The following SH3GL2 variants were observed in gnomAD, a reference collection of about 807,000 sequenced individuals.
SH3GL2 encodes the protein SH3 domain containing GRB2 like 2, endophilin A1.
Under a neutral mutation model 46.0 loss-of-function variants are expected in SH3GL2, and 24 were observed. The observed-to-expected ratio is 0.52, with a 90% CI of 0.38 to 0.73. The LOEUF is 0.73. SH3GL2 is among the 30% of genes least tolerant of loss of function. The pLI, the probability that SH3GL2 is intolerant of heterozygous loss-of-function variation, is 0.00. For missense variants in SH3GL2, 413 were observed against 424.2 expected, an observed-to-expected ratio of 0.97 and a Z score of 0.23; for synonymous variants, 196 against 147.1, an observed-to-expected ratio of 1.33 and a Z score of -2.40.
At chr9:17,687,455 C>CTGAT (rs3837229) in intron 1 of SH3GL2, among the ~76,000 whole-genome samples, 74,001 of 151,476 alleles carry the variant, frequency 0.49, 18,592 homozygotes, top group South Asian at 0.61. Context: ...GTTTTTGACT[C>CTGAT]TGTAACAGGG....
chr9:17,752,164 A>G (rs1234350532), intron 2 of SH3GL2, among the ~76,000 whole-genome samples: 1 of 152,166 alleles, frequency 6.6e-6, no homozygotes, highest in Non-Finnish European at 1.5e-5. Context: ...GGACAGATGG[A>G]TTAACTCTTC....
chr9:17,785,707 A>T (rs1823936376), intron 3 of SH3GL2, among the ~76,000 whole-genome samples: 1 of 152,054 alleles, frequency 6.6e-6, no homozygotes, highest in Non-Finnish European at 1.5e-5. Context: ...TTTTATAAAA[A>T]CAAAAACAAA....
chr9:17,790,473 T>C (rs1212611956), intron 6 of SH3GL2: 2 of 960,722 alleles, frequency 2.1e-6, no homozygotes, highest in Non-Finnish European at 2.5e-6. Flanking sequence ...CAGTGTAGGT[T>C]TTTGTTTATG....
intron 1 of SH3GL2, among the ~76,000 whole-genome samples, chr9:17,722,911 CATT>C (rs1166888484): frequency 2.0e-5 from 3 of 152,260 alleles, no homozygotes; most frequent in African/African-American, 7.2e-5. Flanking sequence ...TGTGTCAGCT[CATT>C]ATCTCAGCTT....
At chr9:17,746,983 A>G in intron 1 of SH3GL2, 83 bp from the exon 2 acceptor site, 1 of 891,134 alleles carries the variant, frequency 1.1e-6, no homozygotes, top group Non-Finnish European at 1.8e-6. Flanking sequence ...ATTAGATGAC[A>G]TTTGTGAAAG....
intron 1 of SH3GL2, among the ~76,000 whole-genome samples, chr9:17,664,220 T>C (rs1353724218): frequency 6.6e-6 from 1 of 152,336 alleles, no homozygotes; most frequent in Non-Finnish European, 1.5e-5. Flanking sequence ...ATTGTTTTTC[T>C]AATTTCATTT....
At chr9:17,588,865 G>A (rs1818427901) in intron 1 of SH3GL2, among the ~76,000 whole-genome samples, 1 of 152,190 alleles carries the variant, frequency 6.6e-6, no homozygotes, top group African/African-American at 2.4e-5. Flanking sequence ...AGTTCCTTCT[G>A]TTTATGTTTG....
Position 17,653,290 on chromosome 9 carries a change from T to C in SH3GL2, c.45+74003T>C, listed in dbSNP as rs868650066. Reference sequence around the variant, plus strand: ...ACTCTTTAAATCAGATGTCTTATTTTTTTCCCTCAGTTCTGGGAAATATTT... The same window carrying C: ...ACTCTTTAAATCAGATGTCTTATTTCTTTCCCTCAGTTCTGGGAAATATTT... On this transcript the variant is annotated intron_variant, in intron 1 of 8. Transcript: ENST00000380607. 1.1e-4 allele frequency among the ~76,000 whole-genome samples: 16 copies of C among 152,296 alleles called. No individual in the cohort carries two copies. In the Middle Eastern group the frequency reaches 0.01, roughly 97 times the overall value.
intron 1 of SH3GL2, among the ~76,000 whole-genome samples, chr9:17,646,235 G>A (rs1236175138): frequency 6.6e-6 from 1 of 151,834 alleles, no homozygotes; most frequent in Non-Finnish European, 1.5e-5. Flanking sequence ...GGTCATTTAT[G>A]TTCTTCTCTA....
chr9:17,659,747 C>T (rs1820168870), intron 1 of SH3GL2, among the ~76,000 whole-genome samples: 1 of 152,040 alleles, frequency 6.6e-6, no homozygotes, highest in South Asian at 2.1e-4. Flanking sequence ...ACTTTAGAGG[C>T]AAAAGAATCT....
chr9:17,621,282 T>C (rs947120084), intron 1 of SH3GL2, among the ~76,000 whole-genome samples: 4 of 152,320 alleles, frequency 2.6e-5, no homozygotes, highest in Admixed American at 2.6e-4. Flanking sequence ...TCTTTGGAGG[T>C]ATAGCTGAAC....
At chr9:17,756,893 A>G (rs2131144792) in intron 2 of SH3GL2, among the ~76,000 whole-genome samples, 1 of 152,300 alleles carries the variant, frequency 6.6e-6, no homozygotes, top group Admixed American at 6.5e-5. Context: ...TCCCTGAGGA[A>G]TTGCCACACT....
chr9:17,778,135 A>G lies in SH3GL2; in HGVS notation c.188-8246A>G, dbSNP rs535079758. 9.8e-5 allele frequency among the ~76,000 whole-genome samples: 15 copies of G among 152,296 alleles called. No individual in the cohort carries two copies. In the South Asian group the frequency reaches 3.1e-3, roughly 32 times the overall value. On this transcript the variant is annotated intron_variant, in intron 3 of 8. Coordinates refer to ENST00000380607, the MANE Select transcript of SH3GL2 (RefSeq NM_003026.5). Reference sequence around the variant, plus strand: ...TTGAATAGTTCCATAAGTGCCAGGCACGGTGCTGGATACTCTAAAACATCA... The same window carrying G: ...TTGAATAGTTCCATAAGTGCCAGGCGCGGTGCTGGATACTCTAAAACATCA...
At chr9:17,794,287 A>G (rs1824219113) in intron 8 of SH3GL2, among the ~76,000 whole-genome samples, 1 of 152,188 alleles carries the variant, frequency 6.6e-6, no homozygotes, top group Admixed American at 6.5e-5. Context: ...TGGATGTTAG[A>G]GATAGGTAGC....
rs1536068 is a variant in SH3GL2, at chr9:17,795,942, G to A, written c.*199G>A. The A allele has an allele frequency of 0.25, 139,568 of 559,496 alleles. 19,188 individuals are homozygous for A. Among genetic ancestry groups the A allele is most frequent in the Middle Eastern group, 0.36 (755 of 2,120 alleles). 34.7% of individuals were successfully genotyped at this position (559,496 alleles called of 1,614,324 possible). ...ATGATATCCTCTTAGCCTGGTGGGCGTGGCATGTGCTTTTTAAAACATCAT... is the reference window on the plus strand; with the variant it reads ...ATGATATCCTCTTAGCCTGGTGGGCATGGCATGTGCTTTTTAAAACATCAT... On this transcript the variant is annotated 3_prime_UTR_variant, in exon 9 of 9. Coordinates refer to ENST00000380607, the MANE Select transcript of SH3GL2 (RefSeq NM_003026.5).
At chr9:17,751,830 C>T (rs898535702) in intron 2 of SH3GL2, among the ~76,000 whole-genome samples, 3 of 151,876 alleles carry the variant, frequency 2.0e-5, no homozygotes, top group African/African-American at 2.4e-5. Flanking sequence ...AAGGAGGAGG[C>T]GTGGAGCATT....
intron 1 of SH3GL2, among the ~76,000 whole-genome samples, chr9:17,645,623 A>G (rs1038430018): frequency 6.6e-6 from 1 of 151,958 alleles, no homozygotes; most frequent in Non-Finnish European, 1.5e-5. Context: ...TTTCTCCTTC[A>G]TTTATGAAGT....
At chr9:17,751,397 T>C (rs898983152) in intron 2 of SH3GL2, among the ~76,000 whole-genome samples, 14 of 152,044 alleles carry the variant, frequency 9.2e-5, no homozygotes, top group African/African-American at 3.1e-4. Flanking sequence ...GTAGAAACCA[T>C]GGGGAGATAG....
At chr9:17,715,328 T>G (rs1563824181) in intron 1 of SH3GL2, among the ~76,000 whole-genome samples, 1 of 151,780 alleles carries the variant, frequency 6.6e-6, no homozygotes, top group African/African-American at 2.4e-5. Context: ...TAGGATTCAT[T>G]GAGCTTCTTG....
Sources: gnomAD v4.1 joint callset for allele counts (sites outside exome capture counted in the v4.1 genomes callset) on GRCh38, gnomAD v4.1.1 for gene constraint, MANE v1.5 for transcripts, NCBI Gene and HGNC (gene_info 2026-07-23, HGNC 2026-07-21) for gene names.